The following OR3A2 variants were observed in gnomAD, a reference collection of about 807,000 sequenced individuals.
The protein encoded by OR3A2 is olfactory receptor 3A2.
For missense variants in OR3A2, 318 were observed against 392.8 expected (o/e 0.81, Z 1.61); for synonymous variants, 126 against 159.3 (o/e 0.79, Z 1.57).
At chr17:3,343,035 G>C (rs1289010884) in intron 2 of OR3A2, among the ~76,000 whole-genome samples, 1 of 152,232 alleles carries the variant, frequency 6.6e-6, no homozygotes, top group African/African-American at 2.4e-5. Flanking sequence ...CAGTGAGCAA[G>C]GCTCCGTGGG....
intron 2 of OR3A2, among the ~76,000 whole-genome samples, chr17:3,350,701 G>C (rs1330575332): frequency 5.9e-5 from 9 of 151,468 alleles, no homozygotes; most frequent in Non-Finnish European, 1.2e-4. Flanking sequence ...GCATCATCCT[G>C]ATACCAAAGC....
At chr17:3,377,183 A>G (rs896958139) in intron 2 of OR3A2, among the ~76,000 whole-genome samples, 2 of 152,210 alleles carry the variant, frequency 1.3e-5, no homozygotes, top group African/African-American at 4.8e-5. Context: ...AAAGTTCACA[A>G]TGTGAGTCTC....
chr17:3,288,091 A>T (rs1432555472), upstream of OR3A2, among the ~76,000 whole-genome samples: 1 of 151,754 alleles, frequency 6.6e-6, no homozygotes, highest in Non-Finnish European at 1.5e-5. Flanking sequence ...CATAAAATAT[A>T]AAATTAATTT....
chr17:3,372,901 G>GGGAGAGGGAGAGGGAGAA lies in OR3A2; in HGVS notation c.-179+10902_-179+10903insTTCTCCCTCTCCCTCTCC, dbSNP rs1223065387. Among the ~76,000 whole-genome samples the GGGAGAGGGAGAGGGAGAA allele has an allele frequency of 1.2e-3, 150 of 124,224 alleles. 3 individuals are homozygous for GGGAGAGGGAGAGGGAGAA. Among genetic ancestry groups the GGGAGAGGGAGAGGGAGAA allele is most frequent in the African/African-American group, 3.5e-3 (107 of 30,312 alleles). 81.5% of individuals were successfully genotyped at this position (124,224 alleles called of 152,430 possible). A position where few individuals can be genotyped will look rare whatever the true frequency, so the allele number is the denominator to read the frequency against. On this transcript the variant is annotated intron_variant, in intron 2 of 4. Transcript: ENST00000573491. ...AGGGAGAGGGAGAGGGAGAGGGAGA[G>GGGAGAGGGAGAGGGAGAA]GGAGAGGGCTCTTTAGGATTTTTTG...
chr17:3,361,972 A>G (rs552061910), intron 2 of OR3A2, among the ~76,000 whole-genome samples: 4 of 151,638 alleles, frequency 2.6e-5, no homozygotes, highest in East Asian at 1.9e-4. Context: ...TATTGATTGG[A>G]ATAGTTTCAG....
chr17:3,343,401 T>C (rs376716054), intron 2 of OR3A2, among the ~76,000 whole-genome samples: 3 of 152,212 alleles, frequency 2.0e-5, no homozygotes, highest in East Asian at 3.8e-4. Context: ...ATGAACCTAC[T>C]TATATGAAAT....
chr17:3,359,917 T>C (rs1044352773), intron 2 of OR3A2, among the ~76,000 whole-genome samples: 2 of 151,798 alleles, frequency 1.3e-5, no homozygotes, highest in Non-Finnish European at 2.9e-5. Context: ...ATGATTTATA[T>C]TCCTTCAGGT....
intron 2 of OR3A2, among the ~76,000 whole-genome samples, chr17:3,359,408 C>A (rs1403080679): frequency 6.6e-6 from 1 of 151,610 alleles, no homozygotes; most frequent in Non-Finnish European, 1.5e-5. Flanking sequence ...TATTAGCTGG[C>A]AGTAGTCTTT....
At chr17:3,375,662 T>A (rs1463111832) in intron 2 of OR3A2, among the ~76,000 whole-genome samples, 1 of 152,138 alleles carries the variant, frequency 6.6e-6, no homozygotes, top group Non-Finnish European at 1.5e-5. Flanking sequence ...TTTGGGGGTG[T>A]TATAGAACCT....
At chr17:3,290,230 G>GC (rs2048853391) in intron 3 of OR3A2, among the ~76,000 whole-genome samples, 2 of 152,110 alleles carry the variant, frequency 1.3e-5, no homozygotes, top group Non-Finnish European at 2.9e-5. Flanking sequence ...AGAATGGGAA[G>GC]CCCACATCTC....
intron 2 of OR3A2, among the ~76,000 whole-genome samples, chr17:3,354,427 T>C (rs765204818): frequency 4.1e-4 from 62 of 151,438 alleles, no homozygotes; most frequent in Non-Finnish European, 6.9e-4. Context: ...TTTTTATTTA[T>C]AGGAGACCTT....
intron 2 of OR3A2, among the ~76,000 whole-genome samples, chr17:3,366,615 C>T (rs1429349440): frequency 1.3e-5 from 2 of 152,166 alleles, no homozygotes; most frequent in Non-Finnish European, 2.9e-5. Context: ...TCTACCTTAC[C>T]CCTATTATGG....
chr17:3,311,347 A>G lies in OR3A2; in HGVS notation c.-85+24686T>C, dbSNP rs1401240621. 1.9e-6 allele frequency: 1 copy of G among 533,960 alleles called. No homozygotes were observed. Among genetic ancestry groups the G allele is most frequent in the East Asian group, 5.5e-5 (1 of 18,326 alleles). 33.1% of individuals were successfully genotyped at this position (533,960 alleles called of 1,614,324 possible). On this transcript the variant is annotated intron_variant, in intron 3 of 4. Coordinates refer to the OR3A2 transcript ENST00000573491. The surrounding 1 kb of genome is among the most constrained non-coding windows in gnomAD (Gnocchi z 4.6). ...GGTGGACTGTCACCTCTTAATAGCC[A>G]TGGCCTATGACCGCTACCTGGCTAT... is the stretch of plus-strand genomic sequence containing the variant.
At chr17:3,338,417 A>C (rs2049289345) in intron 2 of OR3A2, among the ~76,000 whole-genome samples, 2 of 152,142 alleles carry the variant, frequency 1.3e-5, no homozygotes, top group Non-Finnish European at 2.9e-5. Context: ...CTAATATTTA[A>C]GTCTTTAATC....
intron 2 of OR3A2, among the ~76,000 whole-genome samples, chr17:3,341,748 T>C (rs562340463): frequency 6.6e-5 from 10 of 152,156 alleles, no homozygotes; most frequent in Non-Finnish European, 1.3e-4. Context: ...TGTCTTGGAG[T>C]TGCTCTTCTG....
rs192328280 is a variant in OR3A2 at position 3,376,673 on chromosome 17, A to G, written c.-179+7131T>C. On this transcript the variant is annotated intron_variant, in intron 2 of 4. Coordinates refer to the OR3A2 transcript ENST00000573491. ...AGCACTGAGTTTATGTCCAGGCAGC[A>G]GGGCTGAGATCTTCCCCCAGGCTAC... 3.2e-4 allele frequency among the ~76,000 whole-genome samples: 48 copies of G among 152,282 alleles called. No individual in the cohort carries two copies. In the East Asian group the frequency reaches 7.7e-3, roughly 25 times the overall value.
At chr17:3,326,297 T>C (rs1276560522) in intron 3 of OR3A2, among the ~76,000 whole-genome samples, 2 of 152,076 alleles carry the variant, frequency 1.3e-5, no homozygotes, top group Non-Finnish European at 2.9e-5. Flanking sequence ...TTCATTTGGG[T>C]TTATACCCAG....
At chr17:3,318,293 G>T (rs1401079078) in intron 3 of OR3A2, among the ~76,000 whole-genome samples, 1 of 152,206 alleles carries the variant, frequency 6.6e-6, no homozygotes, top group African/African-American at 2.4e-5. Context: ...CACAGAAAGA[G>T]ATTCACTTTC....
chr17:3,334,753 C>T lies in OR3A2; in HGVS notation c.-85+1280G>A, dbSNP rs546654175. Among the ~76,000 whole-genome samples the T allele has an allele frequency of 3.0e-4, 45 of 152,296 alleles. No individual in the cohort carries two copies. The Middle Eastern group carries it at 0.01, about 35-fold the overall frequency. On this transcript the variant is annotated intron_variant, in intron 3 of 4. Transcript: ENST00000573491. ...ATCTTTCCATATAGAGGCATACAAT[C>T]ATCTATCCATTTATTCAAGTGTTAT... is the stretch of plus-strand genomic sequence containing the variant.
Sources: allele counts gnomAD v4.1 joint callset (sites outside exome capture counted in the v4.1 genomes callset), GRCh38; gene constraint gnomAD v4.1.1; non-coding constraint Gnocchi (gnomAD v3.1); transcripts MANE v1.5; gene names NCBI Gene and HGNC (gene_info 2026-07-23, HGNC 2026-07-21).